Variants in SULT2A1 observed in about 807,000 individuals in gnomAD.
The protein encoded by SULT2A1 is sulfotransferase 2A1.
Under a neutral mutation model 33.9 loss-of-function variants are expected in SULT2A1, and 43 were observed. The observed-to-expected ratio is 1.27, with a 90% confidence interval of 1.00 to 1.64. The LOEUF is 1.64. SULT2A1 is among the 40% of genes most tolerant of loss of function. The pLI is 0.00. For missense variants in SULT2A1, 300 were observed against 335.1 expected (o/e 0.90, Z 0.82); for synonymous variants, 125 against 113.6 (o/e 1.10, Z -0.64).
chr19:47,874,857 G>C (rs377628987), intron 4 of SULT2A1, 23 bp from the exon 5 acceptor site: 325 of 1,608,188 alleles, frequency 2.0e-4, no homozygotes, highest in Non-Finnish European at 2.7e-4. Context: ...AATCAAGAGA[G>C]AGGATACGAA....
At chr19:47,871,646 T>C in intron 5 of SULT2A1, 79 bp from the exon 6 acceptor site, 1 of 932,634 alleles carries the variant, frequency 1.1e-6, no homozygotes, top group South Asian at 1.3e-5. Flanking sequence ...ACATGGACAT[T>C]GTAGCTAACA....
At chr19:47,878,026 C>G (rs190480261) in intron 4 of SULT2A1, among the ~76,000 whole-genome samples, 1 of 152,202 alleles carries the variant, frequency 6.6e-6, no homozygotes, top group Non-Finnish European at 1.5e-5. Flanking sequence ...ATCTCAGGAA[C>G]TAAATCACTT....
intron 4 of SULT2A1, among the ~76,000 whole-genome samples, chr19:47,878,303 G>A (rs1315313918): frequency 1.3e-5 from 2 of 151,952 alleles, no homozygotes; most frequent in African/African-American, 2.4e-5. Flanking sequence ...TCGGCTTCCC[G>A]AGTAGCTGGA....
At chr19:47,886,033 G>T in intron 1 of SULT2A1, 89 bp downstream of exon 1, 1 of 1,487,746 alleles carries the variant, frequency 6.7e-7, no homozygotes, top group Non-Finnish European at 9.2e-7. Context: ...ATTGTACACT[G>T]TCTGACATAA....
chr19:47,886,065 C>G (rs1968652835), intron 1 of SULT2A1, 57 bp downstream of exon 1: 1 of 1,588,408 alleles, frequency 6.3e-7, no homozygotes, highest in East Asian at 2.2e-5. Context: ...CAATCATGCA[C>G]TGAATGGACA....
rs1034520814 is a variant in SULT2A1, at chr19:47,871,453, C to T, written c.*2G>A. On this transcript the variant is annotated 3_prime_UTR_variant, in exon 6 of 6. Transcript: ENST00000222002. Reference sequence around the variant, plus strand: ...CATATAAGATCCAGAGTGTTTTGGACGTTATTCCCATGGGAACAGCTCTCG... The same window carrying T: ...CATATAAGATCCAGAGTGTTTTGGATGTTATTCCCATGGGAACAGCTCTCG... The T allele has an allele frequency of 2.2e-5, 36 of 1,607,022 alleles. No homozygotes were observed. Among genetic ancestry groups the T allele is most frequent in the Middle Eastern group, 1.6e-4 (1 of 6,074 alleles).
rs1968489189 is a variant in SULT2A1, at chr19:47,871,278, C to T, written c.*177G>A. ...GTGCTGGGATTACAGGCATGAACCA[C>T]CGTGCCTGGCCAACCCTGGTAACTT... is the stretch of plus-strand genomic sequence containing the variant. On this transcript the variant is annotated 3_prime_UTR_variant, in exon 6 of 6. Transcript: ENST00000222002. The T allele has an allele frequency of 1.7e-6, 1 of 589,140 alleles. No homozygotes were observed. Among genetic ancestry groups the T allele is most frequent in the Admixed American group, 3.0e-5 (1 of 33,622 alleles). 36.5% of individuals were successfully genotyped at this position (589,140 alleles called of 1,614,324 possible). A position where few individuals can be genotyped will look rare whatever the true frequency, so the allele number is the denominator to read the frequency against.
At position 47,874,802 on chromosome 19, in the gene SULT2A1, T is replaced by C. The variant is rs1276841213; in HGVS notation, c.600A>G (p.Gln200=). 6.2e-7 allele frequency: 1 copy of C among 1,614,080 alleles called. No homozygotes were observed. Among genetic ancestry groups the C allele is most frequent in the Non-Finnish European group, 8.5e-7 (1 of 1,180,004 alleles). Residue 200 remains glutamine, a synonymous_variant, in exon 5 of 6, where the codon CAA becomes CAG. Coordinates refer to ENST00000222002, the MANE Select transcript of SULT2A1 (RefSeq NM_003167.4). ...CGGGTTCTAACGTCTTTCCCAGGAATTGACAGATCTTCTCTATGGTTCTTC... is the reference window on the plus strand; with the variant it reads ...CGGGTTCTAACGTCTTTCCCAGGAACTGACAGATCTTCTCTATGGTTCTTC... ...DTGRTIEKIC[Q]FLGKTLEPEE...
intron 4 of SULT2A1, 150 bp downstream of exon 4, chr19:47,878,886 C>T: frequency 1.5e-6 from 1 of 656,720 alleles, no homozygotes; most frequent in South Asian, 1.7e-5. Flanking sequence ...CAATGAAGAC[C>T]AGGGAGTTAA....
At chr19:47,878,505 A>ATTTTT (rs34027366) in intron 4 of SULT2A1, among the ~76,000 whole-genome samples, 1 of 111,956 alleles carries the variant, frequency 8.9e-6, no homozygotes, top group Non-Finnish European at 1.7e-5. Context: ...ACCTCTCTAG[A>ATTTTT]TTTTTTTTTT....
At chr19:47,881,423 C>T (rs1968602620) in intron 3 of SULT2A1, among the ~76,000 whole-genome samples, 2 of 151,860 alleles carry the variant, frequency 1.3e-5, no homozygotes, top group African/African-American at 4.8e-5. Context: ...CCACCCGCCT[C>T]GGCCTCCCAT....
chr19:47,884,110 A>AAAAAAC (rs893598677), intron 1 of SULT2A1, among the ~76,000 whole-genome samples: 5 of 150,788 alleles, frequency 3.3e-5, no homozygotes, highest in Admixed American at 6.6e-5. Context: ...GTCTCAAAAA[A>AAAAAAC]AAAAACAAAA....
chr19:47,875,009 A>G (rs1968529578), intron 4 of SULT2A1, among the ~76,000 whole-genome samples, 175 bp from the exon 5 acceptor site: 1 of 151,822 alleles, frequency 6.6e-6, no homozygotes, highest in Non-Finnish European at 1.5e-5. Context: ...TAAAAATACA[A>G]AAATTGGCAG....
chr19:47,880,269 TAATA>T (rs1381693721), intron 3 of SULT2A1, among the ~76,000 whole-genome samples: 2 of 139,458 alleles, frequency 1.4e-5, no homozygotes, highest in East Asian at 2.1e-4. Context: ...CCTGAAGCTG[TAATA>T]AATAAATAAA....
At chr19:47,871,635 G>A in intron 5 of SULT2A1, 68 bp from the exon 6 acceptor site, 1 of 1,029,148 alleles carries the variant, frequency 9.7e-7, no homozygotes, top group Non-Finnish European at 1.5e-6. Context: ...CCAGGCACCT[G>A]ACATGGACAT....
At chr19:47,874,408 G>A (rs4149451) in intron 5 of SULT2A1, among the ~76,000 whole-genome samples, 30,516 of 151,780 alleles carry the variant, frequency 0.2, 3,794 homozygotes, top group Non-Finnish European at 0.27. Flanking sequence ...GTGTGGTGGC[G>A]TGTGCCTGTA....
rs186827680 is a variant in SULT2A1 at position 47,883,591 on chromosome 19, T to C, written c.331A>G (p.Ser111Gly). ...PIQLFPKSFF[S>G]SKAKVIYLMR... ...TATGCACTGACCTTGGCCTTGGAAC[T>C]GAAGAAAGACTTGGGGAATAACTGG... The change falls in exon 2 of 6, where the codon AGT becomes GGT. Residue 111 changes from serine to glycine, a missense_variant. Coordinates refer to ENST00000222002, the MANE Select transcript of SULT2A1 (RefSeq NM_003167.4). 255 of 1,614,092 alleles carry C rather than the reference T, an allele frequency of 1.6e-4. 1 individual carries two copies. Among genetic ancestry groups the C allele is most frequent in the Non-Finnish European group, 3.7e-5 (44 of 1,180,010 alleles).
At chr19:47,872,952 G>A (rs1003168919) in intron 5 of SULT2A1, among the ~76,000 whole-genome samples, 1 of 151,948 alleles carries the variant, frequency 6.6e-6, no homozygotes, top group Non-Finnish European at 1.5e-5. Flanking sequence ...AGTAGAAACA[G>A]AGTTTCACCA....
At chr19:47,877,792 C>A (rs1453427504) in intron 4 of SULT2A1, among the ~76,000 whole-genome samples, 1 of 152,188 alleles carries the variant, frequency 6.6e-6, no homozygotes, top group Non-Finnish European at 1.5e-5. Context: ...CTCAAGCCAT[C>A]CACCTGCCTT....
Sources: allele counts gnomAD v4.1 joint callset (sites outside exome capture counted in the v4.1 genomes callset), GRCh38; gene constraint gnomAD v4.1.1; transcripts MANE v1.5; gene names NCBI Gene and HGNC (gene_info 2026-07-23, HGNC 2026-07-21).